The following OCA2 variants were observed in gnomAD, a reference collection of about 807,000 sequenced individuals.
The protein encoded by OCA2 is OCA2 melanosomal transmembrane protein.
A neutral mutation model predicts 100.2 loss-of-function variants in OCA2; 77 were observed. The ratio of observed to expected loss-of-function variants is 0.77; its 90% CI spans 0.64 to 0.93. OCA2 has a LOEUF of 0.93. Ranked by LOEUF, OCA2 falls within the 40% of genes least tolerant of loss-of-function variation. The pLI, the probability that OCA2 is intolerant of heterozygous loss-of-function variation, is 0.00. For synonymous variants in OCA2, 432 were observed against 439.2 expected, an observed-to-expected ratio of 0.98 and a Z score of 0.21; for missense variants, 1,062 against 1,089.1, an observed-to-expected ratio of 0.98 and a Z score of 0.35.
chr15:27,794,466 T>C (rs2033237696), intron 23 of OCA2, among the ~76,000 whole-genome samples: 2 of 152,114 alleles, frequency 1.3e-5, no homozygotes, highest in Admixed American at 1.3e-4. Flanking sequence ...CGGGAGTATA[T>C]CAATACATAA....
intron 21 of OCA2, among the ~76,000 whole-genome samples, chr15:27,858,271 G>A (rs952471519): frequency 7.9e-5 from 12 of 151,918 alleles, no homozygotes; most frequent in Non-Finnish European, 1.3e-4. Flanking sequence ...CTACTCAGGC[G>A]GCTGAGGCAG....
intron 2 of OCA2, among the ~76,000 whole-genome samples, chr15:28,041,666 A>G (rs1447930585): frequency 2.6e-5 from 4 of 152,270 alleles, no homozygotes; most frequent in African/African-American, 9.6e-5. Context: ...TAATAAATTC[A>G]GCATAACTGA....
chr15:27,728,559 G>A, the OCA2 span, among the ~76,000 whole-genome samples: 15 of 152,156 alleles, frequency 9.9e-5, no homozygotes, highest in African/African-American at 3.1e-4. Flanking sequence ...CAGGAACCTC[G>A]TGGATCACAC....
At chr15:27,972,522 A>T (rs1297751612) in intron 14 of OCA2, among the ~76,000 whole-genome samples, 1 of 152,088 alleles carries the variant, frequency 6.6e-6, no homozygotes, top group Non-Finnish European at 1.5e-5. Context: ...TTGTTTTTTG[A>T]CTTTTTAATA....
intron 3 of OCA2, among the ~76,000 whole-genome samples, chr15:28,028,563 C>G (rs868354607): frequency 3.9e-5 from 6 of 152,104 alleles, no homozygotes; most frequent in African/African-American, 1.2e-4. Flanking sequence ...AGGGAACATT[C>G]GTACCTGACT....
chr15:27,943,688 A>AAAAC (rs2140518618), intron 18 of OCA2, among the ~76,000 whole-genome samples: 1 of 151,722 alleles, frequency 6.6e-6, no homozygotes, highest in East Asian at 1.9e-4. Flanking sequence ...AAAAAAAAAA[A>AAAAC]AAACCTTGGT....
At chr15:28,036,765 A>G (rs1472982668) in intron 2 of OCA2, among the ~76,000 whole-genome samples, 2 of 152,226 alleles carry the variant, frequency 1.3e-5, no homozygotes, top group Non-Finnish European at 2.9e-5. Context: ...AAAAGAATTT[A>G]CATTTTTAAA....
At chr15:28,081,918 A>G (rs1282373233) in intron 1 of OCA2, 23 bp from the exon 2 acceptor site, 5 of 1,560,524 alleles carry the variant, frequency 3.2e-6, no homozygotes, top group Non-Finnish European at 4.3e-6. Flanking sequence ...GAAAGAAACC[A>G]CTCTTCATGA....
intron 13 of OCA2, among the ~76,000 whole-genome samples, chr15:27,984,577 T>C (rs1175053906): frequency 1.3e-5 from 2 of 152,138 alleles, no homozygotes; most frequent in African/African-American, 4.8e-5. Context: ...TGTTTGTTTT[T>C]TGAGACGGAG....
At chr15:27,990,482 A>T in intron 10 of OCA2, 94 bp downstream of exon 10, 1 of 1,242,168 alleles carries the variant, frequency 8.1e-7, no homozygotes, top group Non-Finnish European at 1.2e-6. Context: ...CATATAAAAT[A>T]GTGAAAAAAC....
the OCA2 span, among the ~76,000 whole-genome samples, chr15:27,725,752 C>T: frequency 6.6e-6 from 1 of 152,110 alleles, no homozygotes; most frequent in Non-Finnish European, 1.5e-5. Context: ...GGTCTTCCTT[C>T]TCTTAGGTTT....
chr15:27,722,806 C>CTT, the OCA2 span, among the ~76,000 whole-genome samples: 5 of 140,310 alleles, frequency 3.6e-5, no homozygotes, highest in African/African-American at 8.2e-5. Flanking sequence ...CTCTCTTTCT[C>CTT]TCTCTCTTTC....
chr15:27,787,272 T>G (rs567386288), intron 23 of OCA2, among the ~76,000 whole-genome samples: 1 of 152,232 alleles, frequency 6.6e-6, no homozygotes, highest in Admixed American at 6.5e-5. Context: ...TTGCCTGCCT[T>G]TGGCATTAGA....
At chr15:27,821,911 T>C (rs1363912587) in intron 23 of OCA2, among the ~76,000 whole-genome samples, 2 of 152,180 alleles carry the variant, frequency 1.3e-5, no homozygotes, top group Non-Finnish European at 2.9e-5. Context: ...AAAATCTTTT[T>C]GCATATTTTG....
At chr15:27,736,087 A>G in the OCA2 span, among the ~76,000 whole-genome samples, 12 of 152,212 alleles carry the variant, frequency 7.9e-5, no homozygotes, top group East Asian at 3.8e-4. Flanking sequence ...CATACTGTAC[A>G]TGATAAATAT....
chr15:27,803,138 T>C (rs2151182862), intron 23 of OCA2, among the ~76,000 whole-genome samples: 1 of 152,266 alleles, frequency 6.6e-6, no homozygotes, highest in Non-Finnish European at 1.5e-5. Context: ...ATGAAAAATA[T>C]GCACATAAAA....
At chr15:27,790,753 T>C (rs1489637619) in intron 23 of OCA2, among the ~76,000 whole-genome samples, 1 of 151,936 alleles carries the variant, frequency 6.6e-6, no homozygotes, top group Non-Finnish European at 1.5e-5. Flanking sequence ...AATGGTAAAA[T>C]TTACTATATT....
At chr15:27,952,003 T>A in intron 17 of OCA2, 111 bp from the exon 18 acceptor site, 2 of 800,434 alleles carry the variant, frequency 2.5e-6, no homozygotes. Context: ...ATGAAAAATG[T>A]AACCTCTCGA....
chr15:27,969,298 A>G (rs1251771925), intron 14 of OCA2, among the ~76,000 whole-genome samples: 1 of 152,146 alleles, frequency 6.6e-6, no homozygotes, highest in East Asian at 1.9e-4. Flanking sequence ...TGAGTGAAGC[A>G]TTTGGTTGCT....
Sources: gnomAD v4.1 joint callset for allele counts (sites outside exome capture counted in the v4.1 genomes callset) on GRCh38, gnomAD v4.1.1 for gene constraint, MANE v1.5 for transcripts, NCBI Gene and HGNC (gene_info 2026-07-23, HGNC 2026-07-21) for gene names.